CA8: variants seen among roughly 807,000 people sequenced by gnomAD.
CA8 encodes the protein carbonic anhydrase 8 (inactive).
CA8 carries 22 observed loss-of-function variants against 41.4 expected under a neutral mutation model. That is an observed-to-expected ratio of 0.53 (90% CI 0.38 to 0.76). The LOEUF (loss-of-function observed/expected upper bound fraction) is 0.76. CA8 is among the 30% of genes least tolerant of loss of function. CA8 has a pLI of 0.00. For synonymous variants in CA8, 121 were observed against 130.6 expected, an observed-to-expected ratio of 0.93 and a Z score of 0.50; for missense variants, 270 against 352.8, an observed-to-expected ratio of 0.77 and a Z score of 1.88.
chr8:60,279,411 T>C lies in CA8; in HGVS notation c.292+278A>G, dbSNP rs962847900. 5.9e-5 allele frequency among the ~76,000 whole-genome samples: 9 copies of C among 152,236 alleles called. No homozygotes were observed. The highest frequency in any genetic ancestry group is 1.3e-4 in the Non-Finnish European group (9 of 68,038). On this transcript the variant is annotated intron_variant, in intron 2 of 8. Coordinates refer to ENST00000317995, the MANE Select transcript of CA8 (RefSeq NM_004056.6). The stretch of plus-strand genomic sequence containing the variant: ...CTGCACCTGCATGTACCTGTCCTCA[T>C]ATTTCACAAGGTATAAGGTGATCAA...
chr8:60,222,523 T>TAC, intron 7 of CA8, 126 bp downstream of exon 7: 1 of 711,356 alleles, frequency 1.4e-6, no homozygotes. Context: ...TCAAGCCATT[T>TAC]AACTTTCATC....
chr8:60,240,355 C>A (rs757712903), intron 3 of CA8, among the ~76,000 whole-genome samples: 1 of 152,196 alleles, frequency 6.6e-6, no homozygotes. Flanking sequence ...ACAAGTGGAG[C>A]AAGGCCAATC....
intron 7 of CA8, among the ~76,000 whole-genome samples, chr8:60,213,288 G>T (rs1806902692): frequency 6.6e-6 from 1 of 152,224 alleles, no homozygotes; most frequent in Non-Finnish European, 1.5e-5. Flanking sequence ...GCCTAAAGGA[G>T]CCTCAGCCTT....
At chr8:60,234,155 A>G (rs1399899051) in intron 3 of CA8, among the ~76,000 whole-genome samples, 1 of 152,136 alleles carries the variant, frequency 6.6e-6, no homozygotes, top group African/African-American at 2.4e-5. Context: ...CCATAACCCA[A>G]TCTAGCCACA....
chr8:60,222,793 G>C, intron 6 of CA8, 32 bp from the exon 7 acceptor site: 1 of 1,339,768 alleles, frequency 7.5e-7, no homozygotes, highest in East Asian at 2.3e-5. Flanking sequence ...TAATGGAAAA[G>C]GCAAGTGAAT....
chr8:60,216,157 G>C (rs1807014664), intron 7 of CA8, among the ~76,000 whole-genome samples: 1 of 152,070 alleles, frequency 6.6e-6, no homozygotes, highest in East Asian at 1.9e-4. Context: ...CTAACTCCTA[G>C]AATCACATTC....
At position 60,224,708 on chromosome 8, in the gene CA8, A is replaced by G. The variant is rs1445365716; in HGVS notation, c.577-123T>C. On this transcript the variant is annotated intron_variant, in intron 5 of 8. Transcript: ENST00000317995. The stretch of plus-strand genomic sequence containing the variant: ...TCTGAATGGCCTCATCAGGTCCCAC[A>G]GACTTGTGGGTATCTCCTTCCACCT... 8.9e-6 allele frequency: 6 copies of G among 677,298 alleles called. No homozygotes were observed. In the Admixed American group the frequency reaches 1.3e-4, roughly 14 times the overall value. 42.0% of individuals were successfully genotyped at this position (677,298 alleles called of 1,614,324 possible).
rs146270324 is a variant in CA8 at position 60,251,614 on chromosome 8, T to C, written c.417+14311A>G. On this transcript the variant is annotated intron_variant, in intron 3 of 8. Coordinates refer to ENST00000317995, the MANE Select transcript of CA8 (RefSeq NM_004056.6). ...TGTACATGCTCACTGAATATTATTC[T>C]GAAAAATAACATCGTATTTGGTCAG... Among the ~76,000 whole-genome samples, 15 of 152,348 alleles carry C rather than the reference T, an allele frequency of 9.8e-5. 1 individual carries two copies. In the East Asian group the frequency reaches 2.9e-3, roughly 29 times the overall value.
At chr8:60,212,370 A>G (rs75564928) in intron 7 of CA8, among the ~76,000 whole-genome samples, 2,235 of 152,354 alleles carry the variant, frequency 0.015, 33 homozygotes, top group South Asian at 0.05. Flanking sequence ...TCATCATGTT[A>G]AAAGAGAAAT....
At position 60,188,129 on chromosome 8, in the gene CA8, A is replaced by G. The variant is rs1806012859; in HGVS notation, c.*1892T>C. On this transcript the variant is annotated 3_prime_UTR_variant, in exon 9 of 9. Transcript: ENST00000317995. ...GTTCATTTCAGTCTTTTACTCAGAA[A>G]ATATACAGTAAATAAATTCAAATTG... The G allele has an allele frequency of 6.6e-6, 1 of 152,230 alleles. No homozygotes were observed. 9.4% of individuals were successfully genotyped at this position (152,230 alleles called of 1,614,324 possible).
intron 3 of CA8, among the ~76,000 whole-genome samples, chr8:60,250,871 G>A (rs1808417479): frequency 6.6e-6 from 1 of 152,080 alleles, no homozygotes; most frequent in African/African-American, 2.4e-5. Flanking sequence ...CCATTCAAGA[G>A]CTTCCATTCT....
At chr8:60,228,421 G>A (rs997153298) in intron 4 of CA8, among the ~76,000 whole-genome samples, 4 of 152,158 alleles carry the variant, frequency 2.6e-5, no homozygotes, top group African/African-American at 9.7e-5. Flanking sequence ...GGAGGCCTAC[G>A]TCTGCACTTG....
chr8:60,254,733 G>C (rs1317721749), intron 3 of CA8, among the ~76,000 whole-genome samples: 1 of 152,168 alleles, frequency 6.6e-6, no homozygotes, highest in Non-Finnish European at 1.5e-5. Flanking sequence ...ATGGTGATCA[G>C]CTCAGGCCAA....
intron 8 of CA8, among the ~76,000 whole-genome samples, chr8:60,202,440 G>A (rs551340967): frequency 1.1e-4 from 16 of 152,078 alleles, no homozygotes; most frequent in Non-Finnish European, 2.1e-4. Flanking sequence ...TATATGAACC[G>A]CACCTCATAG....
chr8:60,277,776 A>G (rs544094114), intron 2 of CA8, among the ~76,000 whole-genome samples: 21 of 152,352 alleles, frequency 1.4e-4, no homozygotes, highest in African/African-American at 4.1e-4. Flanking sequence ...TCCTAGGGGA[A>G]AAAACAACTA....
intron 8 of CA8, among the ~76,000 whole-genome samples, chr8:60,192,105 C>G (rs1450288038): frequency 2.6e-5 from 4 of 152,054 alleles, no homozygotes; most frequent in Admixed American, 2.6e-4. Flanking sequence ...AAATGACACC[C>G]ACCTATGCCA....
At chr8:60,202,295 C>A (rs1438820056) in intron 8 of CA8, among the ~76,000 whole-genome samples, 1 of 151,730 alleles carries the variant, frequency 6.6e-6, no homozygotes, top group Admixed American at 6.6e-5. Flanking sequence ...TCATGATCCG[C>A]CTGCCTCAGC....
chr8:60,208,183 T>G (rs896110059), intron 8 of CA8: 1 of 153,726 alleles, frequency 6.5e-6, no homozygotes, highest in African/African-American at 2.4e-5. Flanking sequence ...ACATAGATTA[T>G]GTTTCAATCA....
chr8:60,249,596 G>A (rs77016676), intron 3 of CA8, among the ~76,000 whole-genome samples: 3,736 of 152,158 alleles, frequency 0.025, 159 homozygotes, highest in African/African-American at 0.085. Flanking sequence ...TGTGTCTAAC[G>A]ATAAATAAAT....
Sources: gnomAD v4.1 joint callset for allele counts (sites outside exome capture counted in the v4.1 genomes callset) on GRCh38, gnomAD v4.1.1 for gene constraint, MANE v1.5 for transcripts, NCBI Gene and HGNC (gene_info 2026-07-23, HGNC 2026-07-21) for gene names.